The following NXPE2 variants were observed in gnomAD, a reference collection of about 807,000 sequenced individuals.
NXPE2 encodes neurexophilin and PC-esterase domain family member 2.
Under a neutral mutation model 34.4 loss-of-function variants are expected in NXPE2, and 34 were observed. That is an observed-to-expected ratio of 0.99 (90% confidence interval 0.75 to 1.31). The LOEUF is 1.31. Among genes scored for constraint, NXPE2 ranks in the 40% most tolerant of loss-of-function variants. The pLI is 0.00. For synonymous variants in NXPE2, 235 were observed against 231.3 expected (o/e 1.02, Z -0.15); for missense variants, 649 against 672.5 (o/e 0.97, Z 0.39).
the NXPE2 span, among the ~76,000 whole-genome samples, chr11:114,788,580 T>C: frequency 1.6e-4 from 25 of 152,258 alleles, no homozygotes; most frequent in African/African-American, 6.0e-4. Context: ...CCCAATTTCA[T>C]ATTTGTTTTG....
At chr11:114,563,242 A>G in the NXPE2 span, among the ~76,000 whole-genome samples, 3 of 152,260 alleles carry the variant, frequency 2.0e-5, no homozygotes, top group East Asian at 5.8e-4. Flanking sequence ...ATGAGGGCAA[A>G]TAAGAGGGTG....
At chr11:114,725,927 G>C in the NXPE2 span, among the ~76,000 whole-genome samples, 1 of 142,882 alleles carries the variant, frequency 7.0e-6, no homozygotes, top group African/African-American at 2.6e-5. Flanking sequence ...TCTGGACAGA[G>C]AGATCTCAAG....
chr11:114,809,303 T>C, the NXPE2 span, among the ~76,000 whole-genome samples: 1 of 151,956 alleles, frequency 6.6e-6, no homozygotes, highest in African/African-American at 2.4e-5. Flanking sequence ...ATGCCCTCTC[T>C]CACCACTCCT....
At chr11:114,543,850 G>C in the NXPE2 span, among the ~76,000 whole-genome samples, 4 of 152,140 alleles carry the variant, frequency 2.6e-5, no homozygotes. Flanking sequence ...AGAATCTATA[G>C]AAAATTCTTG....
intron 1 of NXPE2, among the ~76,000 whole-genome samples, chr11:114,679,317 T>C (rs1347599288): frequency 4.4e-4 from 5 of 11,264 alleles, no homozygotes; most frequent in Non-Finnish European, 8.2e-4. Flanking sequence ...ACGGTGGGGG[T>C]GGGGTGGGGG....
the NXPE2 span, among the ~76,000 whole-genome samples, chr11:114,786,226 G>A: frequency 1.7e-4 from 26 of 152,186 alleles, 1 homozygote; most frequent in African/African-American, 6.0e-4. Context: ...TATCTGGAAG[G>A]TAGATTATTG....
At chr11:114,745,336 A>G in the NXPE2 span, among the ~76,000 whole-genome samples, 1 of 152,212 alleles carries the variant, frequency 6.6e-6, no homozygotes, top group Non-Finnish European at 1.5e-5. Flanking sequence ...GCTTATGCAG[A>G]TCACATGGCC....
chr11:114,543,833 T>C, the NXPE2 span, among the ~76,000 whole-genome samples: 1 of 152,180 alleles, frequency 6.6e-6, no homozygotes, highest in African/African-American at 2.4e-5. Context: ...ACGTAGAATC[T>C]ACCCAAAGAA....
At chr11:114,784,165 G>A in the NXPE2 span, among the ~76,000 whole-genome samples, 1 of 152,172 alleles carries the variant, frequency 6.6e-6, no homozygotes, top group Non-Finnish European at 1.5e-5. Flanking sequence ...CTGTAGATAG[G>A]TTCTCTCAGC....
At chr11:114,610,991 C>A in the NXPE2 span, among the ~76,000 whole-genome samples, 1 of 151,586 alleles carries the variant, frequency 6.6e-6, no homozygotes, top group Non-Finnish European at 1.5e-5. Flanking sequence ...CCACTGTTAC[C>A]CACTGGATAA....
the NXPE2 span, among the ~76,000 whole-genome samples, chr11:114,745,845 T>C: frequency 3.3e-5 from 5 of 152,174 alleles, no homozygotes; most frequent in African/African-American, 4.8e-5. Context: ...TTATATAATG[T>C]TACAAATGTA....
the NXPE2 span, among the ~76,000 whole-genome samples, chr11:114,633,609 C>T: frequency 1.3e-5 from 2 of 151,116 alleles, no homozygotes; most frequent in East Asian, 3.9e-4. Context: ...GCTATCCCTC[C>T]CACCCTGCCC....
the NXPE2 span, among the ~76,000 whole-genome samples, chr11:114,742,554 C>T: frequency 1.1e-4 from 16 of 151,642 alleles, no homozygotes; most frequent in Non-Finnish European, 2.2e-4. Flanking sequence ...AACTATGCTT[C>T]CTTGGAGAGG....
chr11:114,607,916 GATA>G, the NXPE2 span, among the ~76,000 whole-genome samples: 3 of 151,872 alleles, frequency 2.0e-5, no homozygotes, highest in African/African-American at 7.3e-5. Flanking sequence ...TTACCCAATG[GATA>G]ATAAGTATTG....
At chr11:114,701,045 C>T (rs1951356365) in intron 3 of NXPE2, among the ~76,000 whole-genome samples, 1 of 152,160 alleles carries the variant, frequency 6.6e-6, no homozygotes, top group Non-Finnish European at 1.5e-5. Context: ...ACCCCTACGT[C>T]ACCTTCACTT....
the NXPE2 span, among the ~76,000 whole-genome samples, chr11:114,805,608 G>C: frequency 6.6e-6 from 1 of 152,362 alleles, no homozygotes; most frequent in African/African-American, 2.4e-5. Flanking sequence ...AGCAGTCTGA[G>C]ATCAAACTGC....
At chr11:114,632,967 T>C in the NXPE2 span, among the ~76,000 whole-genome samples, 1 of 103,354 alleles carries the variant, frequency 9.7e-6, no homozygotes, top group Non-Finnish European at 1.7e-5. Flanking sequence ...TATAATTATA[T>C]ATTATATATT....
chr11:114,800,254 G>T, the NXPE2 span, among the ~76,000 whole-genome samples: 1 of 152,124 alleles, frequency 6.6e-6, no homozygotes. Context: ...GGGAATAAGG[G>T]GTTAACCAAT....
the NXPE2 span, among the ~76,000 whole-genome samples, chr11:114,610,907 C>A: frequency 6.6e-6 from 1 of 151,734 alleles, no homozygotes; most frequent in Non-Finnish European, 1.5e-5. Context: ...TCAATGGTAC[C>A]TGGTGGATAA....
Sources: gnomAD v4.1 joint callset for allele counts (sites outside exome capture counted in the v4.1 genomes callset) on GRCh38, gnomAD v4.1.1 for gene constraint, MANE v1.5 for transcripts, NCBI Gene and HGNC (gene_info 2026-07-23, HGNC 2026-07-21) for gene names.